MAML3: variants seen among roughly 807,000 people sequenced by gnomAD.
The protein encoded by MAML3 is mastermind-like protein 3.
Under a neutral mutation model 101.9 loss-of-function variants are expected in MAML3, and 27 were observed. The observed-to-expected ratio is 0.27, with a 90% confidence interval of 0.20 to 0.37. The LOEUF (loss-of-function observed/expected upper bound fraction) is 0.37, where lower values mean the gene tolerates loss of function less well. Ranked by LOEUF, MAML3 falls within the 10% of genes least tolerant of loss-of-function variation. The probability of loss-of-function intolerance (pLI) is 1.00; values close to 1 mark genes in which losing one functional copy is unlikely to be tolerated. For missense variants in MAML3, 1,316 were observed against 1,444.9 expected, an observed-to-expected ratio of 0.91 and a Z score of 1.45; for synonymous variants, 501 against 555.9, an observed-to-expected ratio of 0.90 and a Z score of 1.39.
intron 2 of MAML3, among the ~76,000 whole-genome samples, chr4:139,749,863 C>G (rs1421820536): frequency 1.3e-5 from 2 of 149,348 alleles, no homozygotes; most frequent in Non-Finnish European, 3.0e-5. Context: ...CCTTTCAACT[C>G]TCATAGTGGA....
chr4:140,029,023 C>G (rs1261261952), intron 1 of MAML3, among the ~76,000 whole-genome samples: 2 of 152,120 alleles, frequency 1.3e-5, no homozygotes, highest in African/African-American at 4.8e-5. Flanking sequence ...AACCGCTGAC[C>G]TTGAGTAAAG....
At chr4:139,747,979 G>A (rs1057444792) in intron 2 of MAML3, among the ~76,000 whole-genome samples, 11 of 150,242 alleles carry the variant, frequency 7.3e-5, no homozygotes, top group Admixed American at 2.0e-4. Flanking sequence ...GCTTGAACCC[G>A]GGAGGTGGAG....
chr4:139,824,310 G>A (rs907562256), intron 2 of MAML3, among the ~76,000 whole-genome samples: 1 of 152,204 alleles, frequency 6.6e-6, no homozygotes, highest in Non-Finnish European at 1.5e-5. Context: ...GCACGCATTT[G>A]TTTTCAGTAA....
chr4:139,737,357 T>TCACA (rs1728986435), intron 2 of MAML3, among the ~76,000 whole-genome samples: 1 of 65,598 alleles, frequency 1.5e-5, no homozygotes. Flanking sequence ...TTAAGGAACT[T>TCACA]GTCTGGTGGT....
intron 2 of MAML3, among the ~76,000 whole-genome samples, chr4:139,734,275 A>C (rs1242176923): frequency 2.0e-5 from 3 of 152,228 alleles, no homozygotes; most frequent in Admixed American, 6.5e-5. Flanking sequence ...TAAGAAGGAC[A>C]CACACTGTGT....
At position 139,805,445 on chromosome 4, in the gene MAML3, A is replaced by C. The variant is rs78316625; in HGVS notation, c.2080-74778T>G. 7.2e-3 allele frequency among the ~76,000 whole-genome samples: 1,090 copies of C among 152,326 alleles called. 19 individuals are homozygous for C. Among genetic ancestry groups the C allele is most frequent in the African/African-American group, 0.025 (1,041 of 41,574 alleles). ...CTGGGTTTTCTCATAGTCTAACCCC[A>C]ATTTAGCTAATCAAGACCCTCTTTT... is the stretch of plus-strand genomic sequence containing the variant. On this transcript the variant is annotated intron_variant, in intron 2 of 4. Transcript: ENST00000509479.
chr4:139,992,174 C>T (rs1734691925), intron 1 of MAML3, among the ~76,000 whole-genome samples: 1 of 152,198 alleles, frequency 6.6e-6, no homozygotes, highest in South Asian at 2.1e-4. Flanking sequence ...TTGTAGCAGG[C>T]ATTGAGTTCC....
At chr4:139,939,273 T>G (rs1005511309) in intron 1 of MAML3, among the ~76,000 whole-genome samples, 3 of 152,226 alleles carry the variant, frequency 2.0e-5, no homozygotes, top group African/African-American at 4.8e-5. Context: ...CTTCTCCTCA[T>G]TCTTGACAGA....
chr4:140,032,053 T>G (rs984288271), intron 1 of MAML3, among the ~76,000 whole-genome samples: 2 of 152,164 alleles, frequency 1.3e-5, no homozygotes, highest in Admixed American at 1.3e-4. Flanking sequence ...AAAGAAAATA[T>G]GAAACTTGGA....
chr4:139,998,961 C>T (rs1734870525), intron 1 of MAML3, among the ~76,000 whole-genome samples: 1 of 152,172 alleles, frequency 6.6e-6, no homozygotes, highest in Admixed American at 6.5e-5. Flanking sequence ...AGGAAGACTT[C>T]CATTCTCTGC....
chr4:139,990,198 T>C (rs1295735415), intron 1 of MAML3, among the ~76,000 whole-genome samples: 1 of 152,160 alleles, frequency 6.6e-6, no homozygotes, highest in Non-Finnish European at 1.5e-5. Context: ...AAATAACATG[T>C]AAGAAAATGA....
At chr4:139,956,243 T>C (rs1733915275) in intron 1 of MAML3, among the ~76,000 whole-genome samples, 1 of 152,228 alleles carries the variant, frequency 6.6e-6, no homozygotes, top group African/African-American at 2.4e-5. Flanking sequence ...GGAAGTGTTT[T>C]GAAATCTGTA....
intron 1 of MAML3, among the ~76,000 whole-genome samples, chr4:140,136,807 A>C (rs1409579303): frequency 6.6e-6 from 1 of 152,246 alleles, no homozygotes; most frequent in East Asian, 1.9e-4. Context: ...GCTATTAAAC[A>C]AAGATTCCTC....
At chr4:140,098,376 A>T (rs1007286320) in intron 1 of MAML3, among the ~76,000 whole-genome samples, 1 of 152,222 alleles carries the variant, frequency 6.6e-6, no homozygotes, top group Admixed American at 6.5e-5. Context: ...ATTAAGTGAA[A>T]TATCAGCTGG....
Position 139,876,129 on chromosome 4 carries a change from GA to G in MAML3, c.2079+13227del, listed in dbSNP as rs370989625. ...ACATCAGATTTCAAACACTTGGTAT[GA>G]AAAAAAAAGTATGTAAAATATGCCA... On this transcript the variant is annotated intron_variant, in intron 2 of 4. Coordinates refer to ENST00000509479, the MANE Select transcript of MAML3 (RefSeq NM_018717.5). Among the ~76,000 whole-genome samples, 1,072 of 150,358 alleles carry G rather than the reference GA, an allele frequency of 7.1e-3. 11 individuals carry two copies. Among genetic ancestry groups the G allele is most frequent in the African/African-American group, 0.021 (857 of 40,916 alleles).
Position 140,153,271 on chromosome 4 carries a change from G to A in MAML3, c.57C>T (p.Asn19=). ...AAANGSSICI[N]SSLNSSLGGA... is the part of the protein sequence containing the mutation. ...CGCCGAGGCTGCTGTTCAGGCTACT[G>A]TTGATGCAAATACTACTGCCATTCG... The change falls in exon 1 of 5, where the codon AAC becomes AAT. Residue 19 remains asparagine, a synonymous_variant. Transcript: ENST00000509479. The A allele has an allele frequency of 6.2e-7, 1 of 1,609,672 alleles. No homozygotes were observed. The highest frequency in any genetic ancestry group is 8.5e-7 in the Non-Finnish European group (1 of 1,178,312).
At chr4:140,119,947 C>T (rs1728578035) in intron 1 of MAML3, among the ~76,000 whole-genome samples, 1 of 151,862 alleles carries the variant, frequency 6.6e-6, no homozygotes, top group African/African-American at 2.4e-5. Context: ...AGGTTAAAAG[C>T]TAACCAAAGG....
intron 2 of MAML3, among the ~76,000 whole-genome samples, chr4:139,803,551 T>C (rs758867465): frequency 6.6e-6 from 1 of 152,136 alleles, no homozygotes; most frequent in Non-Finnish European, 1.5e-5. Context: ...GAGAGAGGGC[T>C]AATTAGCACA....
At chr4:139,784,159 C>G (rs979220081) in intron 2 of MAML3, among the ~76,000 whole-genome samples, 1 of 152,236 alleles carries the variant, frequency 6.6e-6, no homozygotes, top group Non-Finnish European at 1.5e-5. Context: ...AACAAGCGAG[C>G]CTTTGTTGAT....
Sources: gnomAD v4.1 joint callset for allele counts (sites outside exome capture counted in the v4.1 genomes callset) on GRCh38, gnomAD v4.1.1 for gene constraint, MANE v1.5 for transcripts, NCBI Gene and HGNC (gene_info 2026-07-23, HGNC 2026-07-21) for gene names.